The following GTPBP10 variants were observed in gnomAD, a reference collection of about 807,000 sequenced individuals.
The protein encoded by GTPBP10 is GTP-binding protein 10.
A neutral mutation model predicts 44.8 loss-of-function variants in GTPBP10; 38 were observed. That is an observed-to-expected ratio of 0.85 (90% confidence interval 0.65 to 1.11). GTPBP10 has a LOEUF of 1.11. GTPBP10 is among the 50% of genes most tolerant of loss of function. GTPBP10 has a pLI of 0.00. For missense variants in GTPBP10, 462 were observed against 453.7 expected, an observed-to-expected ratio of 1.02 and a Z score of -0.17; for synonymous variants, 152 against 150.6, an observed-to-expected ratio of 1.01 and a Z score of -0.07.
intron 1 of GTPBP10, 135 bp downstream of exon 1, chr7:90,346,909 C>A: frequency 1.1e-6 from 1 of 919,790 alleles, no homozygotes; most frequent in Non-Finnish European, 1.7e-6. Flanking sequence ...CTCCGCCCCT[C>A]CTGTAGTGGC....
At chr7:90,373,693 C>T (rs1384072605) in intron 5 of GTPBP10, among the ~76,000 whole-genome samples, 2 of 152,092 alleles carry the variant, frequency 1.3e-5, no homozygotes, top group African/African-American at 4.8e-5. Flanking sequence ...AAAATTTCAG[C>T]CACAGATCCA....
chr7:90,369,723 T>C (rs1796218977), intron 4 of GTPBP10, among the ~76,000 whole-genome samples: 1 of 152,132 alleles, frequency 6.6e-6, no homozygotes, highest in South Asian at 2.1e-4. Flanking sequence ...GTACAGACTG[T>C]CACGACTTCC....
chr7:90,347,305 G>A (rs1304878829), intron 1 of GTPBP10, among the ~76,000 whole-genome samples: 1 of 152,086 alleles, frequency 6.6e-6, no homozygotes, highest in Non-Finnish European at 1.5e-5. Context: ...TATCAGTAAT[G>A]CTTTTTGAAA....
intron 4 of GTPBP10, among the ~76,000 whole-genome samples, chr7:90,363,201 C>T (rs920377494): frequency 1.1e-4 from 17 of 152,074 alleles, no homozygotes; most frequent in Non-Finnish European, 1.9e-4. Flanking sequence ...TTATTTTGCT[C>T]GTTAGTTGAT....
At chr7:90,366,883 T>C (rs1796145434) in intron 4 of GTPBP10, among the ~76,000 whole-genome samples, 1 of 152,176 alleles carries the variant, frequency 6.6e-6, no homozygotes, top group Non-Finnish European at 1.5e-5. Context: ...GATGTTAGGG[T>C]GTCCATTTTA....
chr7:90,351,916 T>G (rs1795798198), intron 1 of GTPBP10, among the ~76,000 whole-genome samples: 1 of 152,204 alleles, frequency 6.6e-6, no homozygotes, highest in African/African-American at 2.4e-5. Flanking sequence ...CAGGATGGTC[T>G]CGATCTCCTG....
chr7:90,368,850 A>T (rs1796191203), intron 4 of GTPBP10, among the ~76,000 whole-genome samples: 1 of 152,172 alleles, frequency 6.6e-6, no homozygotes, highest in African/African-American at 2.4e-5. Context: ...GAGGAGCTGC[A>T]GTCCTTTGGA....
At chr7:90,368,301 G>A (rs548141686) in intron 4 of GTPBP10, among the ~76,000 whole-genome samples, 13 of 152,216 alleles carry the variant, frequency 8.5e-5, no homozygotes, top group South Asian at 6.2e-4. Context: ...GGTGTTCTCC[G>A]TATTTCCTGA....
intron 4 of GTPBP10, among the ~76,000 whole-genome samples, chr7:90,361,162 A>G (rs1224615042): frequency 6.6e-6 from 1 of 152,176 alleles, no homozygotes; most frequent in Non-Finnish European, 1.5e-5. Flanking sequence ...CAGAACTTCC[A>G]ATACTATGTT....
intron 6 of GTPBP10, 80 bp downstream of exon 6, chr7:90,374,434 T>C: frequency 1.1e-6 from 1 of 905,350 alleles, no homozygotes; most frequent in South Asian, 1.4e-5. Flanking sequence ...TTATAGTTTT[T>C]GCCTGTTTCT....
At chr7:90,377,384 TGTA>T (rs1796358592) in intron 6 of GTPBP10, 120 bp from the exon 7 acceptor site, 1 of 574,332 alleles carries the variant, frequency 1.7e-6, no homozygotes, top group Non-Finnish European at 3.1e-6. Flanking sequence ...TTTTCAAAGA[TGTA>T]GTGGTAATCA....
chr7:90,365,628 G>A (rs534148138), intron 4 of GTPBP10, among the ~76,000 whole-genome samples: 4,604 of 151,944 alleles, frequency 0.03, 95 homozygotes, highest in Non-Finnish European at 0.046. Flanking sequence ...CGCCCACCTC[G>A]GCCTCCCAAA....
intron 5 of GTPBP10, 151 bp from the exon 6 acceptor site, chr7:90,374,151 T>C (rs145490761): frequency 3.0e-4 from 195 of 645,784 alleles, no homozygotes; most frequent in Non-Finnish European, 4.7e-4. Flanking sequence ...CAAGTACATA[T>C]TAAATAGCAA....
chr7:90,348,193 A>T (rs1017183140), intron 1 of GTPBP10, among the ~76,000 whole-genome samples: 2 of 152,216 alleles, frequency 1.3e-5, no homozygotes, highest in Non-Finnish European at 2.9e-5. Flanking sequence ...ACTCGAGCCC[A>T]GGCACCAGAA....
chr7:90,374,290 GT>G lies in GTPBP10; in HGVS notation c.539-9del. On this transcript the variant is annotated splice_polypyrimidine_tract_variant and intron_variant, in intron 5 of 9. Coordinates refer to ENST00000222511, the MANE Select transcript of GTPBP10 (RefSeq NM_033107.4). The stretch of plus-strand genomic sequence containing the variant: ...AATTCTAGCCTTAATTTATTGCTGT[GT>G]TTCCTTTTAGTTACAACATTAAAGC... 1 of 1,574,012 alleles carries G rather than the reference GT, an allele frequency of 6.4e-7. No individual in the cohort carries two copies. Among genetic ancestry groups the G allele is most frequent in the Admixed American group, 1.7e-5 (1 of 59,736 alleles).
chr7:90,361,747 A>G (rs1325602057), intron 4 of GTPBP10, among the ~76,000 whole-genome samples: 2 of 152,172 alleles, frequency 1.3e-5, no homozygotes, highest in African/African-American at 2.4e-5. Context: ...TTGGCTGTGA[A>G]TCCGTCTGGT....
At position 90,388,151 on chromosome 7, in the gene GTPBP10, G is replaced by T. The variant is rs1384905333; in HGVS notation, c.*2997G>T. On this transcript the variant is annotated 3_prime_UTR_variant, in exon 10 of 10. Transcript: ENST00000222511. ...AAGTGTACTCTATGTACCTTTTTTTGACCTTTGATTTTTATTCTGATGGAG... is the reference window on the plus strand; with the variant it reads ...AAGTGTACTCTATGTACCTTTTTTTTACCTTTGATTTTTATTCTGATGGAG... 6.6e-6 allele frequency: 1 copy of T among 151,682 alleles called. No homozygotes were observed. The highest frequency in any genetic ancestry group is 1.5e-5 in the Non-Finnish European group (1 of 67,886). 9.4% of individuals were successfully genotyped at this position (151,682 alleles called of 1,614,324 possible). A position where few individuals can be genotyped will look rare whatever the true frequency, so the allele number is the denominator to read the frequency against.
chr7:90,376,096 G>T (rs1177796780), intron 6 of GTPBP10, among the ~76,000 whole-genome samples: 3 of 151,644 alleles, frequency 2.0e-5, no homozygotes, highest in Non-Finnish European at 2.9e-5. Flanking sequence ...TTAGATGGGT[G>T]TGGTGGTGGG....
intron 5 of GTPBP10, 117 bp downstream of exon 5, chr7:90,372,345 G>A: frequency 1.4e-6 from 1 of 693,198 alleles, no homozygotes; most frequent in Non-Finnish European, 2.4e-6. Context: ...AAAAATTTTT[G>A]GCAGATAGAC....
Sources: allele counts gnomAD v4.1 joint callset (sites outside exome capture counted in the v4.1 genomes callset), GRCh38; gene constraint gnomAD v4.1.1; transcripts MANE v1.5; gene names NCBI Gene and HGNC (gene_info 2026-07-23, HGNC 2026-07-21).